JARID2: variants seen among roughly 807,000 people sequenced by gnomAD.
JARID2 encodes jumonji and AT-rich interaction domain containing 2, also known as protein Jumonji.
Under a neutral mutation model 125.6 loss-of-function variants are expected in JARID2, and 21 were observed. The observed-to-expected ratio is 0.17, with a 90% CI of 0.12 to 0.24. The LOEUF is 0.24. Ranked by LOEUF, JARID2 falls within the 10% of genes least tolerant of loss-of-function variation. The probability of loss-of-function intolerance (pLI) is 1.00; values close to 1 mark genes in which losing one functional copy is unlikely to be tolerated. For synonymous variants in JARID2, 736 were observed against 661.6 expected (o/e 1.11, Z -1.73); for missense variants, 1,303 against 1,639.6 (o/e 0.79, Z 3.55).
chr6:15,253,697 G>T (rs566137419), intron 1 of JARID2, among the ~76,000 whole-genome samples: 3 of 152,136 alleles, frequency 2.0e-5, no homozygotes, highest in African/African-American at 7.2e-5. Flanking sequence ...CTCTACTGGG[G>T]TTCTTTTTTC....
intron 1 of JARID2, among the ~76,000 whole-genome samples, chr6:15,358,534 T>G (rs1763683755): frequency 6.6e-6 from 1 of 152,228 alleles, no homozygotes; most frequent in African/African-American, 2.4e-5. Context: ...AAGCTTTGAA[T>G]GGATGATAGC....
chr6:15,507,758 AGG>A (rs1447573398), intron 11 of JARID2, among the ~76,000 whole-genome samples: 1 of 152,202 alleles, frequency 6.6e-6, no homozygotes, highest in African/African-American at 2.4e-5. Flanking sequence ...GATGGTCAGT[AGG>A]CTCGTAAGGG....
intron 1 of JARID2, among the ~76,000 whole-genome samples, chr6:15,337,209 A>G (rs533708708): frequency 3.3e-5 from 5 of 152,056 alleles, no homozygotes; most frequent in African/African-American, 7.2e-5. Context: ...TCTCTCTTAC[A>G]TGAGAGAGGT....
intron 2 of JARID2, among the ~76,000 whole-genome samples, chr6:15,404,372 A>AT (rs936728240): frequency 8.6e-5 from 13 of 150,826 alleles, no homozygotes; most frequent in South Asian, 4.2e-4. Flanking sequence ...AAAGCAATTC[A>AT]TTTTTTTTTC....
chr6:15,353,899 C>G (rs1389513810), intron 1 of JARID2, among the ~76,000 whole-genome samples: 1 of 152,066 alleles, frequency 6.6e-6, no homozygotes, highest in Admixed American at 6.6e-5. Context: ...CTTTTATGTA[C>G]AGTAAAATAA....
At chr6:15,275,544 CGT>C (rs1760472773) in intron 1 of JARID2, among the ~76,000 whole-genome samples, 4 of 94,606 alleles carry the variant, frequency 4.2e-5, no homozygotes, top group Admixed American at 1.1e-4. Flanking sequence ...CCCCCCCCCC[CGT>C]CTTTTGCCTC....
At chr6:15,505,350 T>TTC in intron 9 of JARID2, 1 of 99,596 alleles carries the variant, frequency 1.0e-5, no homozygotes, top group Non-Finnish European at 2.4e-5. Flanking sequence ...TTGCTGTGTT[T>TTC]TTTTTTTTTT....
At chr6:15,459,759 A>G (rs1250621501) in intron 4 of JARID2, among the ~76,000 whole-genome samples, 5 of 152,172 alleles carry the variant, frequency 3.3e-5, no homozygotes, top group African/African-American at 7.2e-5. Context: ...AGCCTTGAGT[A>G]TTGAGGACTA....
At chr6:15,421,719 T>A (rs1403063087) in intron 3 of JARID2, among the ~76,000 whole-genome samples, 2 of 152,218 alleles carry the variant, frequency 1.3e-5, no homozygotes, top group African/African-American at 2.4e-5. Context: ...AGCTTTCACA[T>A]CTATAATGCC....
At chr6:15,453,076 A>G (rs1289791223) in intron 4 of JARID2, among the ~76,000 whole-genome samples, 3 of 152,242 alleles carry the variant, frequency 2.0e-5, no homozygotes, top group South Asian at 2.1e-4. Flanking sequence ...CCCTCACTCA[A>G]TACATTAGTG....
chr6:15,327,619 A>G (rs1762576884), intron 1 of JARID2, among the ~76,000 whole-genome samples: 1 of 152,082 alleles, frequency 6.6e-6, no homozygotes, highest in African/African-American at 2.4e-5. Context: ...GGAGGAGTAG[A>G]GAGGACTAAG....
chr6:15,417,329 TGG>T, intron 3 of JARID2, among the ~76,000 whole-genome samples: 1 of 152,228 alleles, frequency 6.6e-6, no homozygotes, highest in Non-Finnish European at 1.5e-5. Context: ...TCATACCTGT[TGG>T]GCAGGTTATA....
intron 2 of JARID2, among the ~76,000 whole-genome samples, chr6:15,401,193 G>C (rs1765419587): frequency 6.6e-6 from 1 of 151,900 alleles, no homozygotes; most frequent in African/African-American, 2.4e-5. Context: ...TGTAAAAAGT[G>C]TTGCAATTTG....
At chr6:15,387,282 G>A (rs1182101664) in intron 2 of JARID2, among the ~76,000 whole-genome samples, 2 of 152,142 alleles carry the variant, frequency 1.3e-5, no homozygotes, top group Admixed American at 6.5e-5. Flanking sequence ...ATATTCTTGC[G>A]GCTGTGGTGA....
intron 1 of JARID2, among the ~76,000 whole-genome samples, chr6:15,372,809 A>G (rs919098636): frequency 2.0e-5 from 3 of 151,970 alleles, no homozygotes; most frequent in Non-Finnish European, 4.4e-5. Flanking sequence ...TCTAGGTTCA[A>G]GCAATTCTCG....
chr6:15,415,413 TCCCAGACGGGGCGGCTG>T (rs1418869345), intron 3 of JARID2, among the ~76,000 whole-genome samples: 1 of 149,884 alleles, frequency 6.7e-6, no homozygotes, highest in African/African-American at 2.5e-5. Flanking sequence ...GCCCCTCACC[TCCCAGACGGGGCGGCTG>T]GCCGGGCGGG....
rs76252167 is a variant in JARID2, at chr6:15,513,777, C to T, written c.3450+355C>T. 2.4e-4 allele frequency among the ~76,000 whole-genome samples: 36 copies of T among 152,376 alleles called. No individual in the cohort carries two copies. In the East Asian group the frequency reaches 2.7e-3, roughly 11 times the overall value. On this transcript the variant is annotated intron_variant, in intron 16 of 17. Transcript: ENST00000341776. ...CCATTCTTTCTGAGGCAGTGAGGGG[C>T]GGGTTTCCAGTACTGGGCAGCGTCT...
chr6:15,304,101 C>T (rs891675168), intron 1 of JARID2, among the ~76,000 whole-genome samples: 5 of 152,168 alleles, frequency 3.3e-5, no homozygotes, highest in African/African-American at 1.2e-4. Context: ...ATGTCAACTG[C>T]TGTAAACAGT....
At chr6:15,285,404 C>T (rs898728729) in intron 1 of JARID2, among the ~76,000 whole-genome samples, 2 of 152,074 alleles carry the variant, frequency 1.3e-5, no homozygotes, top group Non-Finnish European at 2.9e-5. Context: ...GGATTACAGG[C>T]GTGAGCCACC....
Sources: gnomAD v4.1 joint callset for allele counts (sites outside exome capture counted in the v4.1 genomes callset) on GRCh38, gnomAD v4.1.1 for gene constraint, MANE v1.5 for transcripts, NCBI Gene and HGNC (gene_info 2026-07-23, HGNC 2026-07-21) for gene names.